Variants in CACNA1C observed in about 807,000 individuals in gnomAD.
The protein encoded by CACNA1C is calcium voltage-gated channel subunit alpha1 C, also known as voltage-dependent L-type calcium channel subunit alpha-1C.
CACNA1C carries 30 observed loss-of-function variants against 229.0 expected under a neutral mutation model. The observed-to-expected ratio is 0.13, with a 90% CI of 0.10 to 0.18. CACNA1C has a LOEUF of 0.18. Among genes scored for constraint, CACNA1C ranks in the 10% least tolerant of loss-of-function variants. CACNA1C has a pLI of 1.00. For missense variants in CACNA1C, 1,658 were observed against 2,845.0 expected, an observed-to-expected ratio of 0.58 and a Z score of 9.49; for synonymous variants, 1,114 against 1,132.5, an observed-to-expected ratio of 0.98 and a Z score of 0.33.
chr12:2,363,677 T>C (rs1300953974), intron 3 of CACNA1C, among the ~76,000 whole-genome samples: 4 of 152,070 alleles, frequency 2.6e-5, no homozygotes, highest in Non-Finnish European at 5.9e-5. Flanking sequence ...TGTATAAGAA[T>C]AGCCACAATA....
chr12:2,005,322 A>G (rs1341001171), intron 1 of CACNA1C, among the ~76,000 whole-genome samples: 1 of 151,892 alleles, frequency 6.6e-6, no homozygotes, highest in African/African-American at 2.4e-5. Context: ...GAAGTGTGTC[A>G]TATTTGTCTC....
intron 3 of CACNA1C, among the ~76,000 whole-genome samples, chr12:2,361,743 T>C (rs1161457393): frequency 6.6e-6 from 1 of 152,236 alleles, no homozygotes; most frequent in East Asian, 1.9e-4. Flanking sequence ...TTTATGCAGC[T>C]GCACCAAATT....
At chr12:2,470,902 G>A (rs1463042142) in intron 5 of CACNA1C, among the ~76,000 whole-genome samples, 2 of 151,668 alleles carry the variant, frequency 1.3e-5, no homozygotes. Flanking sequence ...TCAAGATCTC[G>A]GCTCACTGCA....
Position 2,561,310 on chromosome 12 carries a change from G to A in CACNA1C, c.1508+4333G>A, listed in dbSNP as rs542203953. ...CCCTTCTCGCCTAAGGTGTCCTTTC[G>A]TGTGCTCCCTGGTGGACCCGCCCAG... On this transcript the variant is annotated intron_variant, in intron 11 of 46. Coordinates refer to ENST00000399655, the MANE Select transcript of CACNA1C (RefSeq NM_000719.7). 5.3e-5 allele frequency among the ~76,000 whole-genome samples: 8 copies of A among 152,274 alleles called. No individual in the cohort carries two copies. In the East Asian group the frequency reaches 1.2e-3, roughly 22 times the overall value.
At chr12:2,071,172 CCCTGCCTGCCTG>C (rs767264073) in intron 1 of CACNA1C, among the ~76,000 whole-genome samples, 7 of 16,046 alleles carry the variant, frequency 4.4e-4, no homozygotes, top group African/African-American at 2.7e-3. Flanking sequence ...CTCCCTCCCT[CCCTGCCTGCCTG>C]CCTGCCTGCC....
Position 2,646,305 on chromosome 12 carries a change from A to G in CACNA1C, c.3913-2170A>G, listed in dbSNP as rs2153629500. ...TTTTGTTTTTGTTTTTTTGATGCCT[A>G]GAGGTTGGTTCAATTAGGCCAGGCA... is the stretch of plus-strand genomic sequence containing the variant. On this transcript the variant is annotated intron_variant, in intron 30 of 46. Transcript: ENST00000399655. This position sits in a 1 kb window ranked among gnomAD's most constrained non-coding sequence, Gnocchi z 4.6. 6.6e-6 allele frequency: 1 copy of G among 152,226 alleles called. No homozygotes were observed. The highest frequency in any genetic ancestry group is 2.1e-4 in the South Asian group (1 of 4,822). 9.4% of individuals were successfully genotyped at this position (152,226 alleles called of 1,614,324 possible).
intron 3 of CACNA1C, among the ~76,000 whole-genome samples, chr12:2,442,685 G>C (rs2099240755): frequency 6.6e-6 from 1 of 152,208 alleles, no homozygotes; most frequent in Admixed American, 6.5e-5. Flanking sequence ...TCTGTGGGCT[G>C]TACAGGAAGC....
rs77942713 is a variant in CACNA1C at position 2,669,733 on chromosome 12, G to A, written c.4726+698G>A. ...GTGGAGGTCATCGCACACATTGTGC[G>A]GGCTGAGCCTGGCTTAAGGCTCTTA... On this transcript the variant is annotated intron_variant, in intron 38 of 46. Coordinates refer to ENST00000399655, the MANE Select transcript of CACNA1C (RefSeq NM_000719.7). Among the ~76,000 whole-genome samples, 965 of 152,316 alleles carry A rather than the reference G, an allele frequency of 6.3e-3. 10 individuals are homozygous for A. The highest frequency in any genetic ancestry group is 0.021 in the African/African-American group (873 of 41,568).
rs559719858 is a variant in CACNA1C, at chr12:2,604,147, AT to A, written c.2961-933del. ...ACAGAAAAGGAGAGGGAAATTTTGA[AT>A]AATATTTTAGGTTGTGTGGCTGGCT... On this transcript the variant is annotated intron_variant, in intron 22 of 46. Transcript: ENST00000399655. Among the ~76,000 whole-genome samples the A allele has an allele frequency of 2.3e-4, 35 of 152,260 alleles. No individual in the cohort carries two copies. The East Asian group carries it at 6.4e-3, about 28-fold the overall frequency.
intron 7 of CACNA1C, among the ~76,000 whole-genome samples, chr12:2,495,236 C>T (rs2099744276): frequency 6.6e-6 from 1 of 152,216 alleles, no homozygotes; most frequent in Admixed American, 6.5e-5. Flanking sequence ...ACAAAATTCC[C>T]AAGTGGACCT....
At chr12:2,408,523 G>A (rs921343437) in intron 3 of CACNA1C, among the ~76,000 whole-genome samples, 3 of 143,538 alleles carry the variant, frequency 2.1e-5, no homozygotes, top group Admixed American at 7.0e-5. Flanking sequence ...TGTACCTTTT[G>A]ATGTTTCTGG....
chr12:2,321,950 G>A (rs2096020134), intron 3 of CACNA1C, among the ~76,000 whole-genome samples: 1 of 152,260 alleles, frequency 6.6e-6, no homozygotes, highest in Admixed American at 6.5e-5. Flanking sequence ...CCACCTGGGA[G>A]TGAAGGGCTG....
At chr12:2,397,519 C>G (rs147252434) in intron 3 of CACNA1C, among the ~76,000 whole-genome samples, 1 of 152,382 alleles carries the variant, frequency 6.6e-6, no homozygotes, top group African/African-American at 2.4e-5. Context: ...TTCAGACTCT[C>G]ATTGCTCTTG....
chr12:2,430,950 T>C (rs1805704179), intron 3 of CACNA1C, among the ~76,000 whole-genome samples: 1 of 152,156 alleles, frequency 6.6e-6, no homozygotes, highest in Admixed American at 6.5e-5. Context: ...ACATGGCTTC[T>C]CTGTGGGCGG....
intron 3 of CACNA1C, chr12:2,222,278 A>G (rs1243597574): frequency 1.3e-5 from 2 of 152,256 alleles, no homozygotes; most frequent in African/African-American, 4.8e-5. Context: ...ACATAGGACA[A>G]CCATTTGTAT....
rs539694269 is a variant in CACNA1C, at chr12:2,108,025, A to C, written c.50-7199A>C. Among the ~76,000 whole-genome samples the C allele has an allele frequency of 2.0e-5, 3 of 152,232 alleles. No individual in the cohort carries two copies. Among genetic ancestry groups the C allele is most frequent in the Non-Finnish European group, 2.9e-5 (2 of 68,050 alleles). ...GCATTTTGTCAGACGTGCTAGCTAC[A>C]TTTCAGGTGCTCAGGAGCTGCGTAT... On this transcript the variant is annotated intron_variant, in intron 1 of 46. Transcript: ENST00000399655. The surrounding 1 kb of genome is among the most constrained non-coding windows in gnomAD (Gnocchi z 5.3).
intron 3 of CACNA1C, among the ~76,000 whole-genome samples, chr12:2,267,229 G>A (rs2082733969): frequency 6.6e-6 from 1 of 152,150 alleles, no homozygotes; most frequent in Non-Finnish European, 1.5e-5. Context: ...GAGAACCCGG[G>A]AAATTCATTT....
At chr12:2,016,601 T>C (rs777510179) in intron 1 of CACNA1C, among the ~76,000 whole-genome samples, 6 of 152,164 alleles carry the variant, frequency 3.9e-5, no homozygotes, top group Non-Finnish European at 8.8e-5. Context: ...GCTAATTTTT[T>C]GTATTTTTAG....
At chr12:2,237,402 G>A (rs1239982817) in intron 3 of CACNA1C, among the ~76,000 whole-genome samples, 1 of 152,196 alleles carries the variant, frequency 6.6e-6, no homozygotes, top group African/African-American at 2.4e-5. Flanking sequence ...AATGTTTTGT[G>A]GAGCTGAGAG....
Sources: gnomAD v4.1 joint callset for allele counts (sites outside exome capture counted in the v4.1 genomes callset) on GRCh38, gnomAD v4.1.1 for gene constraint, Gnocchi (gnomAD v3.1) non-coding constraint, MANE v1.5 for transcripts, NCBI Gene and HGNC (gene_info 2026-07-23, HGNC 2026-07-21) for gene names.